TTLL3: variants seen among roughly 807,000 people sequenced by gnomAD.
TTLL3 encodes tubulin tyrosine ligase like 3, also known as tubulin monoglycylase TTLL3.
TTLL3 carries 63 observed loss-of-function variants against 75.2 expected under a neutral mutation model. The observed-to-expected ratio is 0.84, with a 90% CI of 0.68 to 1.03. The LOEUF (loss-of-function observed/expected upper bound fraction) is 1.03. Ranked by LOEUF, TTLL3 falls within the 50% of genes least tolerant of loss-of-function variation. The probability of loss-of-function intolerance (pLI) is 0.00; values close to 1 mark genes in which losing one functional copy is unlikely to be tolerated. For missense variants in TTLL3, 997 were observed against 1,069.9 expected (o/e 0.93, Z 0.95); for synonymous variants, 393 against 418.5 (o/e 0.94, Z 0.74).
rs780884535 is a variant in TTLL3 at position 9,835,216 on chromosome 3, A to G, written c.2175A>G (p.Pro725=). ...GRSRPKANSR[P]DCDKPRAEAC... is the part of the protein sequence containing the mutation. ...CAAGGCCAAAGGCAAATTCAAGGCCAGACTGTGACAAACCCAGGGCTGAGG... is the reference window on the plus strand; with the variant it reads ...CAAGGCCAAAGGCAAATTCAAGGCCGGACTGTGACAAACCCAGGGCTGAGG... The change falls in exon 14 of 14, where the codon CCA becomes CCG. Residue 725 remains proline, a synonymous_variant. Coordinates refer to ENST00000685419, the MANE Select transcript of TTLL3 (RefSeq NM_001387446.1). 2 of 1,614,086 alleles carry G rather than the reference A, an allele frequency of 1.2e-6. No homozygotes were observed. Among genetic ancestry groups the G allele is most frequent in the African/African-American group, 2.7e-5 (2 of 74,934 alleles).
chr3:9,833,740 G>A lies in TTLL3; in HGVS notation c.1825+495G>A, dbSNP rs1407226330. The stretch of plus-strand genomic sequence containing the variant: ...TGAGCCTGTGGTCCAGGCTACTCGC[G>A]AGGCTAATGAGGATCGCTTGAGCCC... On this transcript the variant is annotated intron_variant, in intron 12 of 13. Coordinates refer to ENST00000685419, the MANE Select transcript of TTLL3 (RefSeq NM_001387446.1). Among the ~76,000 whole-genome samples the A allele has an allele frequency of 3.3e-5, 5 of 152,090 alleles. No individual in the cohort carries two copies. The East Asian group carries it at 7.7e-4, about 23-fold the overall frequency.
Position 9,810,699 on chromosome 3 carries a change from G to C in TTLL3, c.38G>C (p.Arg13Thr), listed in dbSNP as rs763717389. The C allele has an allele frequency of 1.9e-6, 3 of 1,586,860 alleles. No homozygotes were observed. Among genetic ancestry groups the C allele is most frequent in the Non-Finnish European group, 2.6e-6 (3 of 1,167,002 alleles). ...RLRNAKIYVE[R>T]AVKQKKIFTI... ...AGAAACGCCAAAATCTACGTGGAGA[G>C]AGCTGTCAAGGTCAGAGGAGGGGCA... is the stretch of plus-strand genomic sequence containing the variant. The change falls in exon 2 of 14, where the codon AGA becomes ACA. Residue 13 changes from arginine (R) to threonine (T), a missense_variant. Transcript: ENST00000685419. This position sits in a 1 kb window ranked among gnomAD's most constrained non-coding sequence, Gnocchi z 4.4.
intron 12 of TTLL3, 128 bp downstream of exon 12, chr3:9,833,373 C>T: frequency 6.9e-7 from 1 of 1,455,662 alleles, no homozygotes. Flanking sequence ...GGAAGAAAGG[C>T]AAGGCGAAAA....
chr3:9,810,868 C>G lies in TTLL3; in HGVS notation c.48+159C>G, dbSNP rs1390029918. 6.6e-6 allele frequency among the ~76,000 whole-genome samples: 1 copy of G among 152,198 alleles called. No individual in the cohort carries two copies. The highest frequency in any genetic ancestry group is 1.5e-5 in the Non-Finnish European group (1 of 68,040). The stretch of plus-strand genomic sequence containing the variant: ...CCATCTTCAACTACCTCCCCGTTTA[C>G]CCCTTCAGCACCAAACTTCTGGGCT... On this transcript the variant is annotated intron_variant, in intron 2 of 13. Coordinates refer to ENST00000685419, the MANE Select transcript of TTLL3 (RefSeq NM_001387446.1). The surrounding 1 kb of genome is among the most constrained non-coding windows in gnomAD (Gnocchi z 4.4).
At position 9,825,798 on chromosome 3, in the gene TTLL3, A is replaced by G; in HGVS notation, c.855-2A>G. 1 of 1,614,086 alleles carries G rather than the reference A, an allele frequency of 6.2e-7. No individual in the cohort carries two copies. Reference sequence around the variant, plus strand: ...TGCCCAAGTTCTATCATTTCCCCACAGCGAAGGGGCAGAACTCAGGCACCT... The same window carrying G: ...TGCCCAAGTTCTATCATTTCCCCACGGCGAAGGGGCAGAACTCAGGCACCT... On this transcript the variant is annotated splice_acceptor_variant, in intron 8 of 13. Coordinates refer to ENST00000685419, the MANE Select transcript of TTLL3 (RefSeq NM_001387446.1). LOFTEE classifies it high-confidence loss of function.
chr3:9,813,935 A>G (rs572924907), intron 4 of TTLL3, among the ~76,000 whole-genome samples: 18 of 152,096 alleles, frequency 1.2e-4, no homozygotes, highest in African/African-American at 4.1e-4. Flanking sequence ...TCCCCCTTCA[A>G]ATAAAAACCC....
intron 13 of TTLL3, 37 bp downstream of exon 13, chr3:9,834,944 T>C: frequency 6.2e-7 from 1 of 1,614,116 alleles, no homozygotes; most frequent in Non-Finnish European, 8.5e-7. Context: ...CAGTGGACAG[T>C]GCTGAGCACG....
rs370514039 is a variant in TTLL3 at position 9,812,950 on chromosome 3, A to T, written c.56A>T (p.Lys19Met). 11 of 1,501,682 alleles carry T rather than the reference A, an allele frequency of 7.3e-6. No homozygotes were observed. In the African/African-American group the frequency reaches 1.4e-4, roughly 19 times the overall value. 93.0% of individuals were successfully genotyped at this position (1,501,682 alleles called of 1,614,324 possible). A position where few individuals can be genotyped will look rare whatever the true frequency, so the allele number is the denominator to read the frequency against. ...CCTTCTCTCACATTGCAGCAGAAGAAGATCTTTACAATCCAAGGCTGCTAC... is the reference window on the plus strand; with the variant it reads ...CCTTCTCTCACATTGCAGCAGAAGATGATCTTTACAATCCAAGGCTGCTAC... ...IYVERAVKQK[K>M]IFTIQGCYPV... Residue 19 changes from lysine (K) to methionine (M), a missense_variant, in exon 3 of 14, where the codon AAG (lysine) becomes ATG (methionine). Transcript: ENST00000685419.
At chr3:9,813,909 C>T (rs752657282) in intron 4 of TTLL3, among the ~76,000 whole-genome samples, 3 of 152,098 alleles carry the variant, frequency 2.0e-5, no homozygotes, top group Non-Finnish European at 2.9e-5. Flanking sequence ...CCAGCACAGC[C>T]GCCATGCATG....
chr3:9,832,542 A>C (rs988904177), intron 11 of TTLL3, among the ~76,000 whole-genome samples: 17 of 152,194 alleles, frequency 1.1e-4, no homozygotes, highest in African/African-American at 4.1e-4. Flanking sequence ...CAGGACATAC[A>C]GCTTGGCCTG....
chr3:9,826,591 C>T lies in TTLL3; in HGVS notation c.1004-406C>T, dbSNP rs190957461. Among the ~76,000 whole-genome samples the T allele has an allele frequency of 2.1e-3, 319 of 151,852 alleles. 8 individuals are homozygous for T. The highest frequency in any genetic ancestry group is 0.014 in the East Asian group (71 of 5,138). ...CTACTAAAAATACAAAAATTGGCCACGTGTGGTGGCAGGCACCCATAATCC... is the reference window on the plus strand; with the variant it reads ...CTACTAAAAATACAAAAATTGGCCATGTGTGGTGGCAGGCACCCATAATCC... On this transcript the variant is annotated intron_variant, in intron 9 of 13. Coordinates refer to ENST00000685419, the MANE Select transcript of TTLL3 (RefSeq NM_001387446.1).
chr3:9,816,599 C>T (rs947266856), intron 5 of TTLL3, among the ~76,000 whole-genome samples: 3 of 141,982 alleles, frequency 2.1e-5, no homozygotes, highest in Non-Finnish European at 4.5e-5. Context: ...CCACTGCAAC[C>T]TCTGCCTCCC....
intron 7 of TTLL3, 133 bp from the exon 8 acceptor site, chr3:9,820,413 G>A: frequency 6.6e-7 from 1 of 1,526,616 alleles, no homozygotes; most frequent in Non-Finnish European, 8.8e-7. Context: ...ACACATCCCA[G>A]GGCAGTAGGG....
chr3:9,831,211 C>G (rs940269516), intron 11 of TTLL3, among the ~76,000 whole-genome samples: 7 of 152,104 alleles, frequency 4.6e-5, no homozygotes, highest in African/African-American at 1.4e-4. Flanking sequence ...TCTAGGCCAG[C>G]CCCAGTGCCT....
rs2125010123 is a variant in TTLL3 at position 9,834,712 on chromosome 3, G to A, written c.1857G>A (p.Lys619=). The change falls in exon 13 of 14, where the codon AAG becomes AAA. Residue 619 remains lysine (K), a synonymous_variant. Transcript: ENST00000685419. ...ACCACTTCCCCAGCCTCCACACCAAGGCCCAGCTGCCTTCTCCCCATGTAC... is the reference window on the plus strand; with the variant it reads ...ACCACTTCCCCAGCCTCCACACCAAAGCCCAGCTGCCTTCTCCCCATGTAC... ...ARHHFPSLHT[K]AQLPSPHVLR... 1.2e-6 allele frequency: 2 copies of A among 1,614,094 alleles called. No homozygotes were observed. Among genetic ancestry groups the A allele is most frequent in the Admixed American group, 1.7e-5 (1 of 60,012 alleles).
chr3:9,833,343 C>T, intron 12 of TTLL3, 98 bp downstream of exon 12: 3 of 1,546,994 alleles, frequency 1.9e-6, no homozygotes, highest in Non-Finnish European at 2.6e-6. Flanking sequence ...CCACTGCCAC[C>T]ACTTCAGCCC....
At chr3:9,809,977 C>CCCTGGGAGGGCGGGCGCGGGATCAGGGGA (rs1370206141), upstream of TTLL3, 5 of 1,303,654 alleles carry the variant, frequency 3.8e-6, no homozygotes, top group African/African-American at 1.5e-5. Flanking sequence ...GGATCAGGGG[C>CCCTGGGAGGGCGGGCGCGGGATCAGGGGA]CCTGGGAGGG....
At chr3:9,834,381 T>C (rs1201273462) in intron 12 of TTLL3, 1 of 588,972 alleles carries the variant, frequency 1.7e-6, no homozygotes, top group African/African-American at 1.8e-5. Flanking sequence ...TCCTTTAGTG[T>C]TTACACCAAC....
Position 9,810,457 on chromosome 3 carries a change from G to C in TTLL3, c.-42+63G>C. ...GGCTGCGAGGACGACAAGACGCTGG[G>C]GTGGAGGGACTGGGGGTCGGGAGAA... is the stretch of plus-strand genomic sequence containing the variant. On this transcript the variant is annotated intron_variant, in intron 1 of 13. Coordinates refer to ENST00000685419, the MANE Select transcript of TTLL3 (RefSeq NM_001387446.1). This position sits in a 1 kb window ranked among gnomAD's most constrained non-coding sequence, Gnocchi z 4.4. The C allele has an allele frequency of 1.4e-6, 2 of 1,437,404 alleles. No individual in the cohort carries two copies. The highest frequency in any genetic ancestry group is 1.8e-6 in the Non-Finnish European group (2 of 1,099,194). The allele number at this position is 1,437,404 out of a possible 1,614,324, so 89.0% of individuals were successfully genotyped here. A position where few individuals can be genotyped will look rare whatever the true frequency, so the allele number is the denominator to read the frequency against.
Sources: allele counts gnomAD v4.1 joint callset (sites outside exome capture counted in the v4.1 genomes callset), GRCh38; gene constraint gnomAD v4.1.1; non-coding constraint Gnocchi (gnomAD v3.1); transcripts MANE v1.5; gene names NCBI Gene and HGNC (gene_info 2026-07-23, HGNC 2026-07-21).